The following PTGER3 variants were observed in gnomAD, a reference collection of about 807,000 sequenced individuals.
PTGER3 encodes prostaglandin E receptor 3.
A neutral mutation model predicts 34.7 loss-of-function variants in PTGER3; 22 were observed. The observed-to-expected ratio is 0.63, with a 90% CI of 0.45 to 0.91. PTGER3 has a LOEUF of 0.91. Among genes scored for constraint, PTGER3 ranks in the 40% least tolerant of loss-of-function variants. The probability of loss-of-function intolerance (pLI) is 0.00; values close to 1 mark genes in which losing one functional copy is unlikely to be tolerated. For missense variants in PTGER3, 468 were observed against 519.4 expected (o/e 0.90, Z 0.96); for synonymous variants, 241 against 230.1 (o/e 1.05, Z -0.43).
intron 4 of PTGER3, among the ~76,000 whole-genome samples, chr1:70,919,928 C>A (rs1647362552): frequency 6.6e-6 from 1 of 152,024 alleles, no homozygotes; most frequent in African/African-American, 2.4e-5. Flanking sequence ...AACATCTTAC[C>A]AAAAGTATTG....
chr1:70,936,843 T>C (rs1341533639), intron 4 of PTGER3, among the ~76,000 whole-genome samples: 3 of 152,216 alleles, frequency 2.0e-5, no homozygotes, highest in Non-Finnish European at 2.9e-5. Context: ...AATTTCATTA[T>C]TGCAGAGTCA....
chr1:70,900,553 G>A (rs1243606814), intron 4 of PTGER3, among the ~76,000 whole-genome samples: 1 of 152,112 alleles, frequency 6.6e-6, no homozygotes, highest in Non-Finnish European at 1.5e-5. Flanking sequence ...TGAATTTAGA[G>A]CGGAAAGAGG....
chr1:71,036,643 A>T (rs1240614693), intron 1 of PTGER3, among the ~76,000 whole-genome samples: 1 of 152,194 alleles, frequency 6.6e-6, no homozygotes, highest in Non-Finnish European at 1.5e-5. Flanking sequence ...GATCGAGACC[A>T]TCCTGGCTAA....
intron 4 of PTGER3, among the ~76,000 whole-genome samples, chr1:70,893,121 T>G (rs1298110480): frequency 6.6e-6 from 1 of 152,162 alleles, no homozygotes; most frequent in Non-Finnish European, 1.5e-5. Context: ...ATCCTCATTC[T>G]CCTCATGCAA....
At chr1:70,878,665 T>C (rs1011084578) in intron 4 of PTGER3, among the ~76,000 whole-genome samples, 5 of 152,174 alleles carry the variant, frequency 3.3e-5, no homozygotes, top group East Asian at 1.9e-4. Context: ...TCTGGTATAT[T>C]GTATCTTTTT....
At chr1:71,011,280 A>G (rs1320003354) in intron 2 of PTGER3, 2 of 985,042 alleles carry the variant, frequency 2.0e-6, no homozygotes, top group Admixed American at 6.2e-5. Flanking sequence ...ACTTTCTTAT[A>G]TAAATAGGCC....
chr1:70,910,325 T>C (rs1647034601), intron 4 of PTGER3, among the ~76,000 whole-genome samples: 1 of 152,212 alleles, frequency 6.6e-6, no homozygotes, highest in Non-Finnish European at 1.5e-5. Flanking sequence ...AACCTCAACA[T>C]ATGTGCCATA....
At chr1:70,938,113 G>T (rs1649407482) in intron 4 of PTGER3, among the ~76,000 whole-genome samples, 1 of 152,180 alleles carries the variant, frequency 6.6e-6, no homozygotes, top group African/African-American at 2.4e-5. Flanking sequence ...GGTGGGGGGT[G>T]GGAGGTGTCA....
intron 2 of PTGER3, among the ~76,000 whole-genome samples, chr1:70,956,802 G>A (rs955359709): frequency 9.2e-5 from 14 of 152,128 alleles, no homozygotes; most frequent in African/African-American, 2.2e-4. Flanking sequence ...CCAGGGGTTC[G>A]AGAACAGCCT....
At chr1:70,976,424 C>A (rs1032542751) in intron 2 of PTGER3, among the ~76,000 whole-genome samples, 2 of 152,036 alleles carry the variant, frequency 1.3e-5, no homozygotes, top group Non-Finnish European at 2.9e-5. Flanking sequence ...ATGGAGGAGG[C>A]TATGCATATG....
chr1:71,032,721 TC>T (rs1253680440), intron 1 of PTGER3, among the ~76,000 whole-genome samples: 6 of 152,134 alleles, frequency 3.9e-5, no homozygotes, highest in Admixed American at 3.9e-4. Context: ...ATCAAGCAAC[TC>T]CCCCTACCTT....
At chr1:70,949,318 G>T (rs566630737), downstream of PTGER3, among the ~76,000 whole-genome samples, 44 of 152,222 alleles carry the variant, frequency 2.9e-4, no homozygotes, top group South Asian at 4.6e-3. Flanking sequence ...ATCATCAAGC[G>T]ACATTAAATT....
chr1:70,990,430 G>A, intron 2 of PTGER3, among the ~76,000 whole-genome samples: 1 of 131,878 alleles, frequency 7.6e-6, no homozygotes, highest in African/African-American at 3.0e-5. Context: ...TTATACATAT[G>A]TATCAATGTA....
chr1:70,897,641 T>G (rs1177004865), intron 4 of PTGER3, among the ~76,000 whole-genome samples: 2 of 152,160 alleles, frequency 1.3e-5, no homozygotes, highest in Non-Finnish European at 2.9e-5. Flanking sequence ...CAGGAGCTCA[T>G]TTCTTCCAGT....
intron 4 of PTGER3, among the ~76,000 whole-genome samples, chr1:70,922,903 A>C (rs1018186903): frequency 2.0e-5 from 3 of 152,182 alleles, no homozygotes; most frequent in Admixed American, 6.5e-5. Flanking sequence ...GGCTAAAGTT[A>C]AAGGGGTATT....
chr1:70,887,453 G>A (rs1272197393), intron 4 of PTGER3, among the ~76,000 whole-genome samples: 1 of 152,064 alleles, frequency 6.6e-6, no homozygotes, highest in Non-Finnish European at 1.5e-5. Context: ...TTGTCCTGTT[G>A]GTAACATTCC....
chr1:71,010,508 A>G (rs1426236272), intron 2 of PTGER3: 2 of 984,194 alleles, frequency 2.0e-6, no homozygotes, highest in Non-Finnish European at 1.2e-6. Flanking sequence ...TGCTCATGCC[A>G]CTCAAATTCA....
At chr1:70,939,294 C>T (rs1454870055) in intron 4 of PTGER3, among the ~76,000 whole-genome samples, 1 of 152,230 alleles carries the variant, frequency 6.6e-6, no homozygotes, top group African/African-American at 2.4e-5. Flanking sequence ...TGTGGCTTTA[C>T]AGGGTACAGC....
intron 4 of PTGER3, among the ~76,000 whole-genome samples, chr1:70,866,570 C>T (rs1425352401): frequency 6.6e-6 from 1 of 152,162 alleles, no homozygotes; most frequent in Non-Finnish European, 1.5e-5. Flanking sequence ...GATGACCAGA[C>T]TATGAGCTTT....
Sources: allele counts gnomAD v4.1 joint callset (sites outside exome capture counted in the v4.1 genomes callset), GRCh38; gene constraint gnomAD v4.1.1; transcripts MANE v1.5; gene names NCBI Gene and HGNC (gene_info 2026-07-23, HGNC 2026-07-21).